ARHGAP22: variants seen among roughly 807,000 people sequenced by gnomAD.
ARHGAP22 encodes rho GTPase-activating protein 22.
A neutral mutation model predicts 59.1 loss-of-function variants in ARHGAP22; 48 were observed. That is an observed-to-expected ratio of 0.81 (90% CI 0.64 to 1.03). ARHGAP22 has a LOEUF of 1.03. Among genes scored for constraint, ARHGAP22 ranks in the 50% least tolerant of loss-of-function variants. The pLI, the probability that ARHGAP22 is intolerant of heterozygous loss-of-function variation, is 0.00. For synonymous variants in ARHGAP22, 445 were observed against 416.4 expected (o/e 1.07, Z -0.84); for missense variants, 1,015 against 958.7 (o/e 1.06, Z -0.78).
chr10:48,519,489 A>G (rs2053605526), intron 3 of ARHGAP22, among the ~76,000 whole-genome samples: 1 of 152,240 alleles, frequency 6.6e-6, no homozygotes, highest in East Asian at 1.9e-4. Flanking sequence ...TAACCCAACA[A>G]TAGGCTGGGG....
chr10:48,584,961 T>A (rs1185908239), intron 1 of ARHGAP22, among the ~76,000 whole-genome samples: 1 of 145,144 alleles, frequency 6.9e-6, no homozygotes, highest in Non-Finnish European at 1.5e-5. Flanking sequence ...GCCACTGCAC[T>A]CCAGCCTGGG....
intron 2 of ARHGAP22, chr10:48,575,572 A>G (rs2058660945): frequency 6.6e-6 from 1 of 152,144 alleles, no homozygotes; most frequent in African/African-American, 2.4e-5. Flanking sequence ...CTTTCTCCCC[A>G]CCAGTCTCAA....
intron 9 of ARHGAP22, among the ~76,000 whole-genome samples, chr10:48,449,250 G>C (rs569788735): frequency 1.3e-5 from 2 of 152,092 alleles, no homozygotes; most frequent in Non-Finnish European, 2.9e-5. Context: ...TTCCTTTCTC[G>C]GCTCCATCCT....
intron 1 of ARHGAP22, among the ~76,000 whole-genome samples, chr10:48,615,905 A>G (rs1248851842): frequency 6.6e-6 from 1 of 152,094 alleles, no homozygotes; most frequent in Non-Finnish European, 1.5e-5. Context: ...AGAAGAAAAA[A>G]TTAGTAAATG....
intron 4 of ARHGAP22, among the ~76,000 whole-genome samples, chr10:48,466,068 A>G (rs975749352): frequency 1.3e-5 from 2 of 152,054 alleles, no homozygotes. Context: ...CTGGAGGAGC[A>G]CAGTAGAGGC....
intron 2 of ARHGAP22, among the ~76,000 whole-genome samples, chr10:48,580,678 T>C (rs577943347): frequency 3.3e-5 from 5 of 152,084 alleles, no homozygotes; most frequent in Non-Finnish European, 7.4e-5. Context: ...GGGCCAAGGC[T>C]GGTCTACAAA....
chr10:48,458,799 C>T (rs1048182325), intron 5 of ARHGAP22, among the ~76,000 whole-genome samples: 24 of 152,288 alleles, frequency 1.6e-4, no homozygotes, highest in South Asian at 1.0e-3. Flanking sequence ...AAGGGTCCCC[C>T]GTACCTCCCT....
intron 1 of ARHGAP22, among the ~76,000 whole-genome samples, chr10:48,632,140 T>C (rs991404465): frequency 6.6e-6 from 1 of 152,090 alleles, no homozygotes; most frequent in African/African-American, 2.4e-5. Flanking sequence ...TCCCCACGAG[T>C]CCTCAAAGTC....
intron 3 of ARHGAP22, among the ~76,000 whole-genome samples, chr10:48,488,707 T>G (rs1237914438): frequency 6.6e-6 from 1 of 152,240 alleles, no homozygotes; most frequent in African/African-American, 2.4e-5. Context: ...ATGCTTTGCC[T>G]GGCATTAGCG....
At chr10:48,492,969 A>C (rs139245482) in intron 3 of ARHGAP22, among the ~76,000 whole-genome samples, 32 of 152,364 alleles carry the variant, frequency 2.1e-4, no homozygotes, top group African/African-American at 6.5e-4. Context: ...AATTATTCAG[A>C]TATTATACAT....
chr10:48,571,809 T>A (rs1279013197), intron 2 of ARHGAP22, among the ~76,000 whole-genome samples: 1 of 152,222 alleles, frequency 6.6e-6, no homozygotes, highest in Non-Finnish European at 1.5e-5. Flanking sequence ...AAGGAAGGCC[T>A]CACTCATTCA....
rs775119246 is a variant in ARHGAP22 at position 48,583,149 on chromosome 10, C to A, written c.38G>T (p.Arg13Leu). The change falls in exon 2 of 10, where the codon CGC becomes CTC. Residue 13 changes from arginine (R) to leucine (L), a missense_variant. Coordinates refer to ENST00000249601, the MANE Select transcript of ARHGAP22 (RefSeq NM_021226.4). ...CTCCCCCATCACTAGGCTTTTGGAGCGGGCTGAAAGCCAAGGACACACAGA... is the reference window on the plus strand; with the variant it reads ...CTCCCCCATCACTAGGCTTTTGGAGAGGGCTGAAAGCCAAGGACACACAGA... ...SPKIRQARRA[R>L]SKSLVMGEQS... 3.1e-6 allele frequency: 5 copies of A among 1,613,528 alleles called. No individual in the cohort carries two copies. The highest frequency in any genetic ancestry group is 2.2e-5 in the East Asian group (1 of 44,884).
chr10:48,513,915 A>G (rs896127162), intron 3 of ARHGAP22, among the ~76,000 whole-genome samples: 1 of 152,240 alleles, frequency 6.6e-6, no homozygotes, highest in African/African-American at 2.4e-5. Flanking sequence ...TAGTGTGACA[A>G]TGATGTCCCA....
chr10:48,527,203 GGATGGATGGGCA>G (rs1324665798), intron 3 of ARHGAP22, among the ~76,000 whole-genome samples: 1 of 152,174 alleles, frequency 6.6e-6, no homozygotes, highest in East Asian at 1.9e-4. Flanking sequence ...GTGCATGGAT[GGATGGATGGGCA>G]GATGGATGGG....
chr10:48,609,603 T>C (rs2135957093), upstream of ARHGAP22, among the ~76,000 whole-genome samples: 1 of 152,358 alleles, frequency 6.6e-6, no homozygotes, highest in East Asian at 1.9e-4. Flanking sequence ...TTCATTACTA[T>C]AGCCGACATT....
chr10:48,606,590 C>T (rs150433106), upstream of ARHGAP22, among the ~76,000 whole-genome samples: 5 of 152,314 alleles, frequency 3.3e-5, no homozygotes, highest in Non-Finnish European at 5.9e-5. Flanking sequence ...ACAGCGCCTG[C>T]TCCTGTGTGC....
At chr10:48,515,037 G>T (rs1346189751) in intron 3 of ARHGAP22, among the ~76,000 whole-genome samples, 1 of 152,076 alleles carries the variant, frequency 6.6e-6, no homozygotes, top group Non-Finnish European at 1.5e-5. Flanking sequence ...GAACAAAAAA[G>T]ATATAACATG....
chr10:48,531,424 A>AT (rs1405926910), intron 3 of ARHGAP22, among the ~76,000 whole-genome samples: 1 of 152,204 alleles, frequency 6.6e-6, no homozygotes, highest in African/African-American at 2.4e-5. Flanking sequence ...ATTGAAATAC[A>AT]TTTTTTTAAA....
chr10:48,439,317 ATATTT>A, the ARHGAP22 span: 3 of 150,136 alleles, frequency 2.0e-5, no homozygotes, highest in Admixed American at 6.7e-5. Context: ...ATTGGTTATA[ATATTT>A]TAAATAAAAA....
Sources: allele counts gnomAD v4.1 joint callset (sites outside exome capture counted in the v4.1 genomes callset), GRCh38; gene constraint gnomAD v4.1.1; transcripts MANE v1.5; gene names NCBI Gene and HGNC (gene_info 2026-07-23, HGNC 2026-07-21).